Variants in PAK1 observed in about 807,000 individuals in gnomAD.
The protein encoded by PAK1 is p21 (RAC1) activated kinase 1.
PAK1 carries 29 observed loss-of-function variants against 67.4 expected under a neutral mutation model. The ratio of observed to expected loss-of-function variants is 0.43; its 90% CI spans 0.32 to 0.59. The LOEUF (loss-of-function observed/expected upper bound fraction) is 0.59, where lower values mean the gene tolerates loss of function less well. Among genes scored for constraint, PAK1 ranks in the 20% least tolerant of loss-of-function variants. The pLI is 0.07. For missense variants in PAK1, 337 were observed against 670.7 expected, an observed-to-expected ratio of 0.50 and a Z score of 5.50; for synonymous variants, 223 against 237.4, an observed-to-expected ratio of 0.94 and a Z score of 0.56.
At chr11:77,422,000 C>A (rs1955290028) in intron 1 of PAK1, among the ~76,000 whole-genome samples, 1 of 152,180 alleles carries the variant, frequency 6.6e-6, no homozygotes, top group African/African-American at 2.4e-5. Flanking sequence ...AATGTCACCA[C>A]TTCTATGAAG....
At chr11:77,475,355 A>C (rs994304247), upstream of PAK1, 9 of 152,214 alleles carry the variant, frequency 5.9e-5, 1 homozygote, top group South Asian at 1.7e-3. Flanking sequence ...GTCTCTTCAA[A>C]CTCAATCTAT....
chr11:77,512,577 CT>C, the PAK1 span, among the ~76,000 whole-genome samples: 1 of 151,990 alleles, frequency 6.6e-6, no homozygotes, highest in Non-Finnish European at 1.5e-5. Flanking sequence ...TGATTGTATC[CT>C]TTTTTAAGGA....
intron 1 of PAK1, among the ~76,000 whole-genome samples, chr11:77,421,249 T>C (rs2852389): frequency 0.11 from 16,793 of 152,136 alleles, 2,266 homozygotes; most frequent in African/African-American, 0.31. Flanking sequence ...CTATATACAC[T>C]CTCTCCTCCA....
chr11:77,336,382 G>A (rs1942691261), intron 12 of PAK1, 100 bp from the exon 13 acceptor site: 3 of 811,226 alleles, frequency 3.7e-6, no homozygotes, highest in South Asian at 2.1e-5. Context: ...AGATCCGCCT[G>A]GCTTCCAGCT....
the PAK1 span, among the ~76,000 whole-genome samples, chr11:77,528,705 CA>C: frequency 6.6e-6 from 1 of 152,078 alleles, no homozygotes; most frequent in Admixed American, 6.5e-5. Flanking sequence ...TTCTTCATAC[CA>C]TTTATTTCTT....
chr11:77,375,381 A>ACTG (rs1376142501), intron 4 of PAK1, among the ~76,000 whole-genome samples: 1 of 152,152 alleles, frequency 6.6e-6, no homozygotes, highest in East Asian at 1.9e-4. Flanking sequence ...ATCCATATCT[A>ACTG]CTGCCCACAA....
the PAK1 span, among the ~76,000 whole-genome samples, chr11:77,509,661 C>T: frequency 6.6e-6 from 1 of 151,996 alleles, no homozygotes; most frequent in African/African-American, 2.4e-5. Flanking sequence ...GCGGGTGGAT[C>T]CCTTATGGTT....
intron 1 of PAK1, among the ~76,000 whole-genome samples, chr11:77,445,313 A>T (rs547020827): frequency 2.6e-5 from 4 of 152,248 alleles, no homozygotes; most frequent in Admixed American, 2.0e-4. Flanking sequence ...GAGACCACAA[A>T]TTTCTGTTTT....
chr11:77,466,723 T>C (rs1957615061), intron 1 of PAK1, among the ~76,000 whole-genome samples: 1 of 152,156 alleles, frequency 6.6e-6, no homozygotes, highest in Non-Finnish European at 1.5e-5. Flanking sequence ...GTTGTGCATA[T>C]ATCCACAGAG....
chr11:77,474,387 C>G (rs1442779503), upstream of PAK1: 3 of 152,150 alleles, frequency 2.0e-5, no homozygotes, highest in Admixed American at 1.3e-4. Context: ...GCTGGGGAAT[C>G]ACCCGCTTGC....
Position 77,368,084 on chromosome 11 carries a change from A to T in PAK1, c.477+6244T>A, listed in dbSNP as rs963919104. 3.3e-5 allele frequency among the ~76,000 whole-genome samples: 5 copies of T among 152,334 alleles called. No homozygotes were observed. The South Asian group carries it at 1.0e-3, about 32-fold the overall frequency. On this transcript the variant is annotated intron_variant, in intron 5 of 14. Transcript: ENST00000356341. ...AAATCATCAACAAAATAATTCAAGC[A>T]ATTTCCTAGAACTGAGGGCAGAGTT...
intron 12 of PAK1, 133 bp from the exon 13 acceptor site, chr11:77,336,415 A>G (rs1361657870): frequency 1.1e-5 from 6 of 564,304 alleles, no homozygotes; most frequent in Non-Finnish European, 1.5e-5. Context: ...GTCTCTCCAA[A>G]GTCACTTGAC....
rs1938825910 is a variant in PAK1 at position 77,323,377 on chromosome 11, T to C, written c.1552-17A>G. On this transcript the variant is annotated splice_polypyrimidine_tract_variant and intron_variant, in intron 14 of 14. Coordinates refer to ENST00000356341, the MANE Select transcript of PAK1 (RefSeq NM_002576.5). ...GAATTGATGCTAGAAAGGAGAAAAA[T>C]AGCAAAAGACACATGACTATTTAAC... The C allele has an allele frequency of 1.3e-6, 2 of 1,487,654 alleles. No individual in the cohort carries two copies. The highest frequency in any genetic ancestry group is 1.9e-6 in the Non-Finnish European group (2 of 1,064,876). The allele number at this position is 1,487,654 out of a possible 1,614,324, so 92.2% of individuals were successfully genotyped here. A position where few individuals can be genotyped will look rare whatever the true frequency, so the allele number is the denominator to read the frequency against.
intron 5 of PAK1, among the ~76,000 whole-genome samples, chr11:77,371,219 T>C (rs1421687154): frequency 6.6e-6 from 1 of 152,178 alleles, no homozygotes; most frequent in Non-Finnish European, 1.5e-5. Flanking sequence ...GATAACAGAA[T>C]TTAGAGCTAA....
the PAK1 span, among the ~76,000 whole-genome samples, chr11:77,491,554 T>TAA: frequency 6.6e-6 from 1 of 151,258 alleles, no homozygotes; most frequent in African/African-American, 2.4e-5. Flanking sequence ...AGAAAAAAAA[T>TAA]AAAGTGTAGA....
chr11:77,379,984 C>A lies in PAK1; in HGVS notation c.201G>T (p.Lys67Asn), dbSNP rs1406013685. Reference protein sequence around the residue: ...SILPGDKTNKKKEKERPEISL... With the variant: ...SILPGDKTNKNKEKERPEISL... Reference sequence around the variant, plus strand: ...AAATCTCTGGCCGCTCTTTCTCTTTCTTTTTATTTGCTGCAAGAGAAACAG... The same window carrying A: ...AAATCTCTGGCCGCTCTTTCTCTTTATTTTTATTTGCTGCAAGAGAAACAG... The change falls in exon 3 of 15, where the codon AAG (lysine) becomes AAT (asparagine). Residue 67 changes from lysine to asparagine, a missense_variant. Around this residue, in one of 8 missense-constraint regions of PAK1, gnomAD observed 43 missense variants for 141.5 expected, o/e 0.30. Transcript: ENST00000356341. 6.2e-7 allele frequency: 1 copy of A among 1,612,162 alleles called. No individual in the cohort carries two copies. The highest frequency in any genetic ancestry group is 1.1e-5 in the South Asian group (1 of 90,868).
At chr11:77,466,438 C>T (rs1434569465) in intron 1 of PAK1, among the ~76,000 whole-genome samples, 1 of 152,026 alleles carries the variant, frequency 6.6e-6, no homozygotes, top group African/African-American at 2.4e-5. Flanking sequence ...CCTGTCTCTA[C>T]TAAAAATACA....
chr11:77,327,239 A>G (rs1397878454), intron 14 of PAK1, among the ~76,000 whole-genome samples: 1 of 152,238 alleles, frequency 6.6e-6, no homozygotes, highest in African/African-American at 2.4e-5. Flanking sequence ...AACTTCCCCA[A>G]TCTAGCAAGG....
At chr11:77,336,385 T>A in intron 12 of PAK1, 103 bp from the exon 13 acceptor site, 1 of 778,998 alleles carries the variant, frequency 1.3e-6, no homozygotes. Flanking sequence ...TCCGCCTGGC[T>A]TCCAGCTCTG....
Sources: gnomAD v4.1 joint callset for allele counts (sites outside exome capture counted in the v4.1 genomes callset) on GRCh38, gnomAD v4.1.1 for gene constraint, gnomAD v4.1.1 regional missense constraint, MANE v1.5 for transcripts, NCBI Gene and HGNC (gene_info 2026-07-23, HGNC 2026-07-21) for gene names.